The following SLC25A21 variants were observed in gnomAD, a reference collection of about 807,000 sequenced individuals.
SLC25A21 encodes the protein mitochondrial 2-oxodicarboxylate carrier.
Under a neutral mutation model 43.8 loss-of-function variants are expected in SLC25A21, and 47 were observed. The observed-to-expected ratio is 1.07, with a 90% CI of 0.85 to 1.37. The LOEUF is 1.37. Ranked by LOEUF, SLC25A21 falls within the 40% of genes most tolerant of loss-of-function variation. The probability of loss-of-function intolerance (pLI) is 0.00; values close to 1 mark genes in which losing one functional copy is unlikely to be tolerated. For synonymous variants in SLC25A21, 131 were observed against 121.3 expected, an observed-to-expected ratio of 1.08 and a Z score of -0.52; for missense variants, 352 against 350.2, an observed-to-expected ratio of 1.00 and a Z score of -0.04.
At chr14:36,897,501 G>C (rs1161664737) in intron 1 of SLC25A21, among the ~76,000 whole-genome samples, 1 of 152,062 alleles carries the variant, frequency 6.6e-6, no homozygotes, top group African/African-American at 2.4e-5. Flanking sequence ...TTAGCTCAGA[G>C]TAGTTTGATC....
intron 1 of SLC25A21, among the ~76,000 whole-genome samples, chr14:37,119,630 G>A (rs1963169950): frequency 6.6e-6 from 1 of 152,116 alleles, no homozygotes; most frequent in African/African-American, 2.4e-5. Flanking sequence ...CCGCTGCTCT[G>A]CCTATGGAGT....
At chr14:36,944,388 G>A (rs192114946) in intron 1 of SLC25A21, among the ~76,000 whole-genome samples, 8 of 152,266 alleles carry the variant, frequency 5.3e-5, no homozygotes, top group Admixed American at 4.6e-4. Flanking sequence ...GGCAGGTTGC[G>A]GGTGGAGGGC....
chr14:36,879,261 ACATACTACATTT>A, intron 1 of SLC25A21, among the ~76,000 whole-genome samples: 1 of 152,212 alleles, frequency 6.6e-6, no homozygotes, highest in East Asian at 1.9e-4. Context: ...TTCTCAAATA[ACATACTACATTT>A]CAGAAAGCTA....
At chr14:36,879,527 G>A (rs1890646761) in intron 1 of SLC25A21, among the ~76,000 whole-genome samples, 1 of 152,068 alleles carries the variant, frequency 6.6e-6, no homozygotes, top group Non-Finnish European at 1.5e-5. Flanking sequence ...TCTAAGATTT[G>A]AATGAAACTG....
At chr14:36,820,714 C>CTA (rs1888594716) in intron 2 of SLC25A21, among the ~76,000 whole-genome samples, 1 of 152,194 alleles carries the variant, frequency 6.6e-6, no homozygotes, top group Non-Finnish European at 1.5e-5. Context: ...CTTTTGTATT[C>CTA]TAAAGCCCCC....
chr14:36,684,350 T>C (rs1450698054), intron 8 of SLC25A21, among the ~76,000 whole-genome samples: 1 of 152,210 alleles, frequency 6.6e-6, no homozygotes, highest in East Asian at 1.9e-4. Context: ...ATACTTTAAA[T>C]TTTTAAAAGT....
chr14:36,719,413 G>C (rs963026740), intron 6 of SLC25A21, among the ~76,000 whole-genome samples: 4 of 152,120 alleles, frequency 2.6e-5, no homozygotes, highest in African/African-American at 9.7e-5. Flanking sequence ...TCTTTGCCTG[G>C]GTTTAGTTTG....
chr14:37,036,578 CT>C (rs1961332164), intron 1 of SLC25A21, among the ~76,000 whole-genome samples: 1 of 152,126 alleles, frequency 6.6e-6, no homozygotes. Context: ...GGACCCGTCT[CT>C]ATTAAAATTT....
At chr14:36,833,795 T>A (rs1050847395) in intron 2 of SLC25A21, among the ~76,000 whole-genome samples, 1 of 152,208 alleles carries the variant, frequency 6.6e-6, no homozygotes, top group Admixed American at 6.5e-5. Context: ...AAGGTAAGGA[T>A]ATATGCGGGT....
At chr14:37,073,991 G>C (rs1962227419) in intron 1 of SLC25A21, among the ~76,000 whole-genome samples, 2 of 148,470 alleles carry the variant, frequency 1.3e-5, no homozygotes, top group Non-Finnish European at 1.5e-5. Flanking sequence ...TCTAGAAAGA[G>C]GTCCAGAAAT....
chr14:36,898,067 A>C (rs1180263590), intron 1 of SLC25A21, among the ~76,000 whole-genome samples: 1 of 152,214 alleles, frequency 6.6e-6, no homozygotes, highest in African/African-American at 2.4e-5. Context: ...AAGCTGTCAG[A>C]CAGGGACATT....
intron 1 of SLC25A21, among the ~76,000 whole-genome samples, chr14:36,986,205 TTTAA>T (rs1489105666): frequency 2.0e-5 from 3 of 152,298 alleles, no homozygotes; most frequent in South Asian, 4.1e-4. Flanking sequence ...TATTTTTACG[TTTAA>T]TTATTTCTAT....
At chr14:36,803,059 C>T (rs1887921828) in intron 3 of SLC25A21, among the ~76,000 whole-genome samples, 2 of 152,170 alleles carry the variant, frequency 1.3e-5, no homozygotes, top group African/African-American at 2.4e-5. Context: ...CACCCACATC[C>T]ATTGTCAAAT....
intron 1 of SLC25A21, among the ~76,000 whole-genome samples, chr14:36,998,706 TAA>T (rs559490184): frequency 7.0e-6 from 1 of 142,406 alleles, no homozygotes; most frequent in Non-Finnish European, 1.5e-5. Flanking sequence ...ACTCAACAAT[TAA>T]AAAAAAAAAA....
rs140944159 is a variant in SLC25A21, at chr14:37,067,185, T to C, written c.70+105096A>G. On this transcript the variant is annotated intron_variant, in intron 1 of 9. Transcript: ENST00000331299. ...ACCATTTTTTAGAACTACTAAAATA[T>C]AACAATCGCAAATTTATGAATCCCA... 2.2e-3 allele frequency among the ~76,000 whole-genome samples: 328 copies of C among 152,206 alleles called. 2 individuals are homozygous for C. The highest frequency in any genetic ancestry group is 3.7e-3 in the Admixed American group (56 of 15,286).
intron 1 of SLC25A21, among the ~76,000 whole-genome samples, chr14:37,005,188 G>A (rs1435624391): frequency 6.7e-6 from 1 of 148,650 alleles, no homozygotes; most frequent in Non-Finnish European, 1.5e-5. Flanking sequence ...GCACAAGAGC[G>A]CACACACACA....
intron 2 of SLC25A21, among the ~76,000 whole-genome samples, chr14:36,845,085 C>T (rs532244579): frequency 1.3e-5 from 2 of 152,262 alleles, no homozygotes; most frequent in South Asian, 2.1e-4. Flanking sequence ...TTTCTTTCAA[C>T]GCCATGTCAG....
At chr14:36,883,616 C>A (rs1450101530) in intron 1 of SLC25A21, among the ~76,000 whole-genome samples, 1 of 152,144 alleles carries the variant, frequency 6.6e-6, no homozygotes, top group Non-Finnish European at 1.5e-5. Context: ...GTACCCAGAA[C>A]ATGCCTGGCA....
At chr14:36,934,720 A>AAG (rs71124785) in intron 1 of SLC25A21, among the ~76,000 whole-genome samples, 2,607 of 150,746 alleles carry the variant, frequency 0.017, 74 homozygotes, top group African/African-American at 0.058. Context: ...ACACAGAGAA[A>AAG]AGAGAGAGAG....
Sources: gnomAD v4.1 joint callset for allele counts (sites outside exome capture counted in the v4.1 genomes callset) on GRCh38, gnomAD v4.1.1 for gene constraint, MANE v1.5 for transcripts, NCBI Gene and HGNC (gene_info 2026-07-23, HGNC 2026-07-21) for gene names.